NEBL: variants seen among roughly 807,000 people sequenced by gnomAD.
The protein encoded by NEBL is nebulette, also known as LIM and SH3 protein 2.
In NEBL, 122 loss-of-function variants were observed where a neutral mutation model predicts 140.2. That is an observed-to-expected ratio of 0.87 (90% CI 0.75 to 1.01). The LOEUF is 1.01. Ranked by LOEUF, NEBL falls within the 50% of genes least tolerant of loss-of-function variation. The pLI, the probability that NEBL is intolerant of heterozygous loss-of-function variation, is 0.00. For missense variants in NEBL, 1,365 were observed against 1,231.3 expected (o/e 1.11, Z -1.62); for synonymous variants, 436 against 398.9 (o/e 1.09, Z -1.11).
chr10:20,915,895 A>C (rs930944729), intron 4 of NEBL, among the ~76,000 whole-genome samples: 1 of 152,226 alleles, frequency 6.6e-6, no homozygotes, highest in Non-Finnish European at 1.5e-5. Context: ...CAAGCTAACC[A>C]AACATTTATA....
In NEBL at chr10:20,888,126, C is replaced by A. The variant is rs996144249; in HGVS notation, c.340G>T (p.Ala114Ser). Residue 114 changes from alanine (A) to serine (S), a missense_variant, in exon 4 of 28, where the codon GCA (alanine) becomes TCA (serine). Physicochemically the swap from Ala to Ser is moderately conservative, Grantham distance 99. Around this residue, in one of 2 missense-constraint regions of NEBL, gnomAD observed 1,323 missense variants for 1,154.8 expected, o/e 1.15. Coordinates refer to ENST00000377122, the MANE Select transcript of NEBL (RefSeq NM_006393.3). Reference sequence around the variant, plus strand: ...CTCTGGAGCTGTGTAACTTCTCCTGCAAAAACACTGTCAATTGTGGCTGGC... The same window carrying A: ...CTCTGGAGCTGTGTAACTTCTCCTGAAAAAACACTGTCAATTGTGGCTGGC... ...RMPATIDSVF[A>S]GEVTQLQSEV... 4.3e-6 allele frequency: 7 copies of A among 1,613,316 alleles called. No individual in the cohort carries two copies. Among genetic ancestry groups the A allele is most frequent in the Non-Finnish European group, 5.9e-6 (7 of 1,179,538 alleles).
intron 2 of NEBL, among the ~76,000 whole-genome samples, chr10:20,891,431 G>A (rs1041363713): frequency 4.0e-4 from 61 of 152,240 alleles, no homozygotes; most frequent in African/African-American, 1.4e-3. Flanking sequence ...AAGTATCTCC[G>A]TTATATAATT....
At chr10:21,207,982 T>G (rs1423509987) in intron 3 of NEBL, among the ~76,000 whole-genome samples, 1 of 152,202 alleles carries the variant, frequency 6.6e-6, no homozygotes, top group African/African-American at 2.4e-5. Flanking sequence ...CAGGTTCATA[T>G]GTCCACTGCA....
chr10:21,101,144 C>A (rs1235862845), intron 2 of NEBL, among the ~76,000 whole-genome samples: 1 of 152,160 alleles, frequency 6.6e-6, no homozygotes, highest in Non-Finnish European at 1.5e-5. Context: ...TCAAGTCTCC[C>A]CTCTGTGTCA....
chr10:20,854,861 A>G (rs947129644), intron 9 of NEBL, among the ~76,000 whole-genome samples: 1 of 152,142 alleles, frequency 6.6e-6, no homozygotes, highest in African/African-American at 2.4e-5. Context: ...TACTGCACCT[A>G]GCCCACAGAG....
At chr10:21,201,855 G>C (rs982917999) in intron 3 of NEBL, among the ~76,000 whole-genome samples, 9 of 152,006 alleles carry the variant, frequency 5.9e-5, no homozygotes, top group African/African-American at 1.9e-4. Flanking sequence ...ATTGCTATTC[G>C]TAATGTCACG....
At chr10:21,154,456 T>A (rs1218103244) in intron 2 of NEBL, among the ~76,000 whole-genome samples, 1 of 75,274 alleles carries the variant, frequency 1.3e-5, no homozygotes, top group Non-Finnish European at 2.3e-5. Flanking sequence ...GAGACTCTGC[T>A]TCAAAAAAAA....
At chr10:20,809,120 T>C (rs949625139) in intron 25 of NEBL, among the ~76,000 whole-genome samples, 75 of 152,290 alleles carry the variant, frequency 4.9e-4, no homozygotes, top group African/African-American at 1.8e-3. Context: ...TTCAATTCTA[T>C]TCACATCAAA....
intron 2 of NEBL, among the ~76,000 whole-genome samples, chr10:21,073,487 C>A (rs765261556): frequency 6.6e-6 from 1 of 151,490 alleles, no homozygotes; most frequent in Non-Finnish European, 1.5e-5. Flanking sequence ...CTTGGTGGCA[C>A]GCACTTGTAA....
intron 2 of NEBL, chr10:21,125,812 C>T: frequency 6.3e-7 from 1 of 1,583,926 alleles, no homozygotes; most frequent in Non-Finnish European, 8.7e-7. Flanking sequence ...AAGACAGTGT[C>T]CTTCAGACAT....
At chr10:21,035,940 A>G (rs1238176086) in intron 2 of NEBL, among the ~76,000 whole-genome samples, 1 of 152,168 alleles carries the variant, frequency 6.6e-6, no homozygotes. Flanking sequence ...AGGTGAGCGG[A>G]TCACTTGAGG....
intron 3 of NEBL, among the ~76,000 whole-genome samples, chr10:21,214,600 T>C (rs1284539059): frequency 1.3e-5 from 2 of 149,104 alleles, no homozygotes; most frequent in Admixed American, 1.3e-4. Flanking sequence ...CACACACATA[T>C]ACACATGCAC....
chr10:20,818,302 T>TG (rs1178261766), intron 20 of NEBL, among the ~76,000 whole-genome samples: 4 of 14,346 alleles, frequency 2.8e-4, no homozygotes, highest in African/African-American at 9.0e-4. Context: ...ACTAGCTGGG[T>TG]GGGGGGGCTG....
intron 3 of NEBL, among the ~76,000 whole-genome samples, chr10:21,014,072 TC>T (rs1229441099): frequency 6.6e-6 from 1 of 152,080 alleles, no homozygotes; most frequent in African/African-American, 2.4e-5. Context: ...TAAAATACAC[TC>T]CATTCTCTCT....
chr10:21,188,377 C>T (rs1589321507), intron 3 of NEBL, among the ~76,000 whole-genome samples: 2 of 152,096 alleles, frequency 1.3e-5, no homozygotes, highest in East Asian at 3.9e-4. Context: ...ATCCAAGTAC[C>T]TCAGCATCAT....
chr10:21,180,832 G>C (rs1841375283), intron 3 of NEBL, among the ~76,000 whole-genome samples: 1 of 152,064 alleles, frequency 6.6e-6, no homozygotes, highest in Non-Finnish European at 1.5e-5. Flanking sequence ...AAGACTCTCT[G>C]AGGTCTTATC....
At chr10:21,203,522 G>A (rs1399490139) in intron 3 of NEBL, among the ~76,000 whole-genome samples, 1 of 152,124 alleles carries the variant, frequency 6.6e-6, no homozygotes. Context: ...CTATTTTGGT[G>A]GAACAGCAGC....
intron 4 of NEBL, among the ~76,000 whole-genome samples, chr10:20,909,901 A>T (rs904462361): frequency 2.6e-5 from 4 of 152,318 alleles, no homozygotes; most frequent in Non-Finnish European, 5.9e-5. Flanking sequence ...GGAAAAAAAA[A>T]GTGTTTTATA....
chr10:21,267,104 AGATGG>A (rs1177238498), intron 1 of NEBL, among the ~76,000 whole-genome samples: 3 of 152,174 alleles, frequency 2.0e-5, no homozygotes, highest in Non-Finnish European at 4.4e-5. Context: ...CCTCCCGAGT[AGATGG>A]GATTACAGGT....
Sources: gnomAD v4.1 joint callset for allele counts (sites outside exome capture counted in the v4.1 genomes callset) on GRCh38, gnomAD v4.1.1 for gene constraint, gnomAD v4.1.1 regional missense constraint, MANE v1.5 for transcripts, NCBI Gene and HGNC (gene_info 2026-07-23, HGNC 2026-07-21) for gene names.